The following KYAT3 variants were observed in gnomAD, a reference collection of about 807,000 sequenced individuals.
KYAT3 encodes the protein kynurenine aminotransferase 3.
A neutral mutation model predicts 59.0 loss-of-function variants in KYAT3; 50 were observed. The ratio of observed to expected loss-of-function variants is 0.85; its 90% CI spans 0.68 to 1.07. The LOEUF is 1.07. Among genes scored for constraint, KYAT3 ranks in the 50% least tolerant of loss-of-function variants. The pLI is 0.00. For missense variants in KYAT3, 497 were observed against 533.3 expected (o/e 0.93, Z 0.67); for synonymous variants, 148 against 177.0 (o/e 0.84, Z 1.30).
intron 2 of KYAT3, among the ~76,000 whole-genome samples, chr1:88,970,713 A>G (rs1188739643): frequency 6.6e-6 from 1 of 152,204 alleles, no homozygotes; most frequent in Non-Finnish European, 1.5e-5. Flanking sequence ...GTTTTATACT[A>G]TCTCCCAAAA....
Position 88,949,074 on chromosome 1 carries a change from T to G in KYAT3, c.1141+17A>C, listed in dbSNP as rs1402594769. The G allele has an allele frequency of 6.6e-7, 1 of 1,507,854 alleles. No individual in the cohort carries two copies. Among genetic ancestry groups the G allele is most frequent in the Non-Finnish European group, 8.8e-7 (1 of 1,133,480 alleles). 93.4% of individuals were successfully genotyped at this position (1,507,854 alleles called of 1,614,324 possible). A position where few individuals can be genotyped will look rare whatever the true frequency, so the allele number is the denominator to read the frequency against. On this transcript the variant is annotated intron_variant, in intron 11 of 13. Coordinates refer to ENST00000260508, the MANE Select transcript of KYAT3 (RefSeq NM_001008661.3). ...ATAAGTTTCCGTATAGTTGAAATAA[T>G]AAAAGCCTTTACAAACCTAGCAAAG...
intron 2 of KYAT3, among the ~76,000 whole-genome samples, chr1:88,985,112 T>C (rs999770874): frequency 2.0e-5 from 3 of 152,214 alleles, no homozygotes; most frequent in Non-Finnish European, 4.4e-5. Flanking sequence ...TGATAACAGC[T>C]AAATACATGG....
downstream of KYAT3, among the ~76,000 whole-genome samples, chr1:88,934,453 C>T (rs369045756): frequency 2.6e-5 from 4 of 151,996 alleles, no homozygotes; most frequent in African/African-American, 9.7e-5. Flanking sequence ...GACTCCATCT[C>T]AAAACAAAAC....
In KYAT3 at chr1:88,962,152, T is replaced by C. The variant is rs369205909; in HGVS notation, c.454-7A>G. 6.2e-5 allele frequency: 99 copies of C among 1,587,204 alleles called. No homozygotes were observed. The highest frequency in any genetic ancestry group is 7.4e-5 in the Non-Finnish European group (86 of 1,155,576). Reference sequence around the variant, plus strand: ...AAGGCACTATTAGTATGACCTGCAATAAAAGCAAATAAGATCACAACCTGT... The same window carrying C: ...AAGGCACTATTAGTATGACCTGCAACAAAAGCAAATAAGATCACAACCTGT... On this transcript the variant is annotated splice_region_variant and splice_polypyrimidine_tract_variant and intron_variant, in intron 5 of 13. Coordinates refer to ENST00000260508, the MANE Select transcript of KYAT3 (RefSeq NM_001008661.3).
intron 2 of KYAT3, among the ~76,000 whole-genome samples, chr1:88,985,065 G>A (rs974737914): frequency 2.0e-5 from 3 of 152,176 alleles, no homozygotes; most frequent in Non-Finnish European, 4.4e-5. Flanking sequence ...AGAGAAACAA[G>A]CTTATTGGAA....
intron 8 of KYAT3, among the ~76,000 whole-genome samples, chr1:88,955,662 G>A (rs901926861): frequency 1.3e-5 from 2 of 152,138 alleles, no homozygotes; most frequent in Non-Finnish European, 2.9e-5. Context: ...CCTATTTTCT[G>A]AGTGTATTTC....
chr1:88,983,968 G>A lies in KYAT3; in HGVS notation c.99+4284C>T, dbSNP rs576962548. ...ACCGCGAAGCCGCTAGCACTACTGC[G>A]CAATCTGGATGCTTTTTAAGGTATG... On this transcript the variant is annotated intron_variant, in intron 2 of 13. Coordinates refer to ENST00000260508, the MANE Select transcript of KYAT3 (RefSeq NM_001008661.3). The A allele has an allele frequency of 5.5e-6, 5 of 905,456 alleles. No homozygotes were observed. The East Asian group carries it at 1.2e-4, about 22-fold the overall frequency. The allele number at this position is 905,456 out of a possible 1,614,324, so 56.1% of individuals were successfully genotyped here.
chr1:88,925,708 GGAGAGACAGAGGAGA>G, the KYAT3 span, among the ~76,000 whole-genome samples: 2 of 150,806 alleles, frequency 1.3e-5, no homozygotes, highest in Non-Finnish European at 3.0e-5. Flanking sequence ...GAGAGATGGA[GGAGAGACAGAGGAGA>G]GAGAGACAGA....
chr1:88,991,983 G>GTTTTTTT (rs10638041), intron 1 of KYAT3, among the ~76,000 whole-genome samples: 4 of 144,796 alleles, frequency 2.8e-5, no homozygotes, highest in Non-Finnish European at 4.5e-5. Flanking sequence ...TATTCTTTTG[G>GTTTTTTT]TTTTTTTTTT....
the KYAT3 span, among the ~76,000 whole-genome samples, chr1:88,924,396 C>G: frequency 4.6e-5 from 7 of 152,208 alleles, no homozygotes; most frequent in African/African-American, 1.7e-4. Context: ...TCCCTTTCCC[C>G]ATCCTCCTCC....
intron 2 of KYAT3, among the ~76,000 whole-genome samples, chr1:88,985,239 G>GT (rs1677382828): frequency 6.6e-6 from 1 of 152,186 alleles, no homozygotes; most frequent in Non-Finnish European, 1.5e-5. Flanking sequence ...AAGGGAGTGC[G>GT]TGAGTATTGT....
intron 11 of KYAT3, among the ~76,000 whole-genome samples, chr1:88,947,058 T>C (rs1175045949): frequency 6.6e-6 from 1 of 152,186 alleles, no homozygotes; most frequent in East Asian, 1.9e-4. Context: ...ATGTAGTTGA[T>C]TCAGATATCT....
intron 4 of KYAT3, among the ~76,000 whole-genome samples, chr1:88,966,127 A>C (rs1281076174): frequency 6.6e-6 from 1 of 152,188 alleles, no homozygotes; most frequent in Non-Finnish European, 1.5e-5. Flanking sequence ...GTGATAGTGC[A>C]ACACCACTCT....
intron 10 of KYAT3, 35 bp downstream of exon 10, chr1:88,953,028 A>T (rs1310974013): frequency 1.6e-6 from 2 of 1,287,862 alleles, no homozygotes; most frequent in Non-Finnish European, 2.3e-6. Context: ...TCACCAAAAG[A>T]CAATGCTTCT....
intron 2 of KYAT3, chr1:88,981,946 A>G (rs1677111377): frequency 1.0e-6 from 1 of 982,110 alleles, no homozygotes; most frequent in Non-Finnish European, 1.2e-6. Context: ...AAGAGCAAGC[A>G]CCTTTGCAGC....
intron 1 of KYAT3, among the ~76,000 whole-genome samples, chr1:88,991,945 C>A (rs1677821747): frequency 6.6e-6 from 1 of 151,432 alleles, no homozygotes; most frequent in Non-Finnish European, 1.5e-5. Flanking sequence ...TGCTAAGCTT[C>A]ATTTATAAGG....
chr1:88,925,817 C>T, the KYAT3 span, among the ~76,000 whole-genome samples: 1 of 151,984 alleles, frequency 6.6e-6, no homozygotes, highest in Non-Finnish European at 1.5e-5. Flanking sequence ...AACAAACAAA[C>T]AAACAAAAAC....
intron 2 of KYAT3, among the ~76,000 whole-genome samples, chr1:88,987,543 T>G (rs1416441198): frequency 6.6e-6 from 1 of 152,264 alleles, no homozygotes; most frequent in African/African-American, 2.4e-5. Context: ...ATGCCAAAAA[T>G]GGAATTTTCA....
At chr1:88,990,514 T>A (rs895223029) in intron 1 of KYAT3, among the ~76,000 whole-genome samples, 1 of 152,240 alleles carries the variant, frequency 6.6e-6, no homozygotes, top group Admixed American at 6.5e-5. Context: ...CAGCTTTAGA[T>A]ACTGGCAGGC....
Sources: gnomAD v4.1 joint callset for allele counts (sites outside exome capture counted in the v4.1 genomes callset) on GRCh38, gnomAD v4.1.1 for gene constraint, MANE v1.5 for transcripts, NCBI Gene and HGNC (gene_info 2026-07-23, HGNC 2026-07-21) for gene names.